CPAP: variants seen among roughly 807,000 people sequenced by gnomAD.
CPAP encodes centrosome assembly and centriole elongation protein.
the CPAP span, chr13:24,910,092 A>C: frequency 6.2e-7 from 1 of 1,610,566 alleles, no homozygotes; most frequent in African/African-American, 1.3e-5. Context: ...CAAACCTTAC[A>C]ATTAAGAAAT....
At chr13:24,915,083 ATT>A in the CPAP span, among the ~76,000 whole-genome samples, 3 of 121,310 alleles carry the variant, frequency 2.5e-5, no homozygotes, top group Non-Finnish European at 5.2e-5. Flanking sequence ...TCAAAAAATA[ATT>A]AATTAATTAA....
the CPAP span, among the ~76,000 whole-genome samples, chr13:24,913,791 CA>C: frequency 1.3e-5 from 2 of 152,190 alleles, no homozygotes; most frequent in African/African-American, 4.8e-5. Flanking sequence ...TGGCATAAGC[CA>C]ATGAAAATTA....
At chr13:24,919,964 G>C in the CPAP span, among the ~76,000 whole-genome samples, 17 of 151,666 alleles carry the variant, frequency 1.1e-4, no homozygotes, top group South Asian at 2.1e-4. Context: ...TAGAAACAGG[G>C]TGTCCCTATG....
chr13:24,883,890 T>C, the CPAP span: 1 of 1,587,908 alleles, frequency 6.3e-7, no homozygotes, highest in Non-Finnish European at 8.6e-7. Context: ...AACGCAAGGC[T>C]GGGGCACCTT....
At chr13:24,909,792 G>GT in the CPAP span, 2 of 1,610,720 alleles carry the variant, frequency 1.2e-6, no homozygotes, top group Non-Finnish European at 1.7e-6. Context: ...TAGCTCACCT[G>GT]TAGGATGGTT....
At chr13:24,932,944 T>G in the CPAP span, 6 of 1,175,966 alleles carry the variant, frequency 5.1e-6, no homozygotes, top group Non-Finnish European at 6.3e-6. Flanking sequence ...GTATAACAAT[T>G]CTAAATTCAC....
At chr13:24,928,018 C>T in the CPAP span, among the ~76,000 whole-genome samples, 7 of 152,208 alleles carry the variant, frequency 4.6e-5, no homozygotes, top group Admixed American at 3.3e-4. Flanking sequence ...CATTCACACA[C>T]GTGACCCCTT....
chr13:24,912,217 G>A, the CPAP span: 36 of 739,374 alleles, frequency 4.9e-5, no homozygotes, highest in Non-Finnish European at 7.8e-5. Flanking sequence ...ATCAGCCACC[G>A]AAAATCTAAA....
the CPAP span, chr13:24,883,380 T>A: frequency 3.3e-5 from 52 of 1,564,016 alleles, 1 homozygote; most frequent in South Asian, 4.1e-4. Flanking sequence ...CTGTAAAATT[T>A]AAAAAAAATA....
the CPAP span, chr13:24,892,993 C>A: frequency 4.8e-5 from 36 of 757,562 alleles, no homozygotes; most frequent in African/African-American, 6.1e-4. Context: ...AGTCAACAGA[C>A]GACATTTAAG....
the CPAP span, chr13:24,908,168 ATTAATGTC>A: frequency 7.3e-7 from 1 of 1,362,054 alleles, no homozygotes; most frequent in African/African-American, 1.4e-5. Flanking sequence ...AGAAAAGCAT[ATTAATGTC>A]TTAAAACATG....
the CPAP span, among the ~76,000 whole-genome samples, chr13:24,895,258 T>C: frequency 2.0e-5 from 3 of 152,232 alleles, no homozygotes; most frequent in African/African-American, 7.2e-5. Flanking sequence ...GCGCAGTAGA[T>C]GCCAGACCCC....
chr13:24,923,986 G>A, the CPAP span, among the ~76,000 whole-genome samples: 5 of 152,130 alleles, frequency 3.3e-5, no homozygotes, highest in Admixed American at 2.0e-4. Context: ...CCGCCACCAC[G>A]CCTGGCTAAT....
chr13:24,923,246 T>G, the CPAP span, among the ~76,000 whole-genome samples: 4 of 63,464 alleles, frequency 6.3e-5, no homozygotes, highest in African/African-American at 1.5e-4. Flanking sequence ...TGGGTTTTGT[T>G]TTTTTTTTTT....
the CPAP span, among the ~76,000 whole-genome samples, chr13:24,931,609 T>G: frequency 6.6e-6 from 1 of 152,212 alleles, no homozygotes; most frequent in Non-Finnish European, 1.5e-5. Flanking sequence ...TCCCCATTGC[T>G]TTATTCCCAT....
chr13:24,920,273 T>A, the CPAP span, among the ~76,000 whole-genome samples: 7 of 152,352 alleles, frequency 4.6e-5, no homozygotes, highest in South Asian at 1.5e-3. Flanking sequence ...AATTGTTCAG[T>A]ATGTACAAAT....
At chr13:24,925,471 A>G in the CPAP span, among the ~76,000 whole-genome samples, 1 of 152,194 alleles carries the variant, frequency 6.6e-6, no homozygotes, top group South Asian at 2.1e-4. Context: ...TTAGCCAGGT[A>G]TGATGGTGTG....
chr13:24,905,283 A>G, the CPAP span: 1 of 1,448,060 alleles, frequency 6.9e-7, no homozygotes, highest in South Asian at 1.2e-5. Context: ...GCATTCTGAC[A>G]GCATACTGAT....
the CPAP span, chr13:24,886,341 G>A: frequency 7.8e-7 from 1 of 1,289,246 alleles, no homozygotes; most frequent in Non-Finnish European, 1.0e-6. Flanking sequence ...GGAGGCAGGT[G>A]GTCAGCCAAC....
Sources: gnomAD v4.1 joint callset for allele counts (sites outside exome capture counted in the v4.1 genomes callset) on GRCh38, gnomAD v4.1.1 for gene constraint, MANE v1.5 for transcripts, NCBI Gene and HGNC (gene_info 2026-07-23, HGNC 2026-07-21) for gene names.